The following SGMS1 variants were observed in gnomAD, a reference collection of about 807,000 sequenced individuals.
SGMS1 encodes phosphatidylcholine:ceramide cholinephosphotransferase 1.
In SGMS1, 13 loss-of-function variants were observed where a neutral mutation model predicts 46.2. The ratio of observed to expected loss-of-function variants is 0.28; its 90% CI spans 0.18 to 0.45. The LOEUF is 0.45. SGMS1 is among the 20% of genes least tolerant of loss of function. The pLI, the probability that SGMS1 is intolerant of heterozygous loss-of-function variation, is 1.00. For missense variants in SGMS1, 324 were observed against 519.9 expected, an observed-to-expected ratio of 0.62 and a Z score of 3.66; for synonymous variants, 203 against 187.8, an observed-to-expected ratio of 1.08 and a Z score of -0.66.
In SGMS1 at chr10:50,537,452, TAG is replaced by T. The variant is rs1436768085; in HGVS notation, c.-588-17533_-588-17532del. 6.5e-5 allele frequency among the ~76,000 whole-genome samples: 9 copies of T among 138,594 alleles called. No individual in the cohort carries two copies. In the East Asian group the frequency reaches 1.0e-3, roughly 16 times the overall value. The allele number at this position is 138,594 out of a possible 152,430, so 90.9% of individuals were successfully genotyped here. On this transcript the variant is annotated intron_variant, in intron 2 of 10. Coordinates refer to ENST00000361781, the MANE Select transcript of SGMS1 (RefSeq NM_147156.4). Reference sequence around the variant, plus strand: ...TCTTTTTTTTCTTTATATATATATATAGATATATATATATTTTATTATACTTT... The same window carrying T: ...TCTTTTTTTTCTTTATATATATATATATATATATATATTTTATTATACTTT...
chr10:50,526,197 G>A (rs1434884334), intron 2 of SGMS1, among the ~76,000 whole-genome samples: 1 of 152,198 alleles, frequency 6.6e-6, no homozygotes, highest in Non-Finnish European at 1.5e-5. Context: ...CAGGAAGCAT[G>A]ACTGGAAGGC....
At chr10:50,405,731 T>G (rs1238658455) in intron 6 of SGMS1, among the ~76,000 whole-genome samples, 2 of 152,246 alleles carry the variant, frequency 1.3e-5, no homozygotes. Context: ...CAAATTGAAT[T>G]ATTTCACATG....
At chr10:50,317,156 C>T (rs960951682) in intron 8 of SGMS1, among the ~76,000 whole-genome samples, 12 of 152,120 alleles carry the variant, frequency 7.9e-5, no homozygotes, top group African/African-American at 2.7e-4. Flanking sequence ...TTTAGCCTGA[C>T]TTTGTAGTCC....
At chr10:50,376,588 C>T (rs1458624798) in intron 6 of SGMS1, among the ~76,000 whole-genome samples, 1 of 152,202 alleles carries the variant, frequency 6.6e-6, no homozygotes, top group Non-Finnish European at 1.5e-5. Flanking sequence ...CCTGCTCCCC[C>T]AACCCCACGA....
intron 8 of SGMS1, among the ~76,000 whole-genome samples, chr10:50,313,641 C>G (rs1011016402): frequency 1.4e-4 from 22 of 152,108 alleles, no homozygotes; most frequent in African/African-American, 5.3e-4. Context: ...GGCAAAAAAG[C>G]TTGGGTATTT....
At chr10:50,427,965 G>A (rs1229807279) in intron 6 of SGMS1, among the ~76,000 whole-genome samples, 4 of 148,542 alleles carry the variant, frequency 2.7e-5, no homozygotes, top group African/African-American at 7.4e-5. Flanking sequence ...GCTAAGCTGC[G>A]TGTGAATGAG....
intron 2 of SGMS1, among the ~76,000 whole-genome samples, chr10:50,537,990 G>A (rs763992343): frequency 2.3e-4 from 35 of 152,116 alleles, no homozygotes; most frequent in Non-Finnish European, 4.1e-4. Flanking sequence ...AGAAGGCACT[G>A]CTACTCAGGA....
chr10:50,413,190 A>G (rs555669530), intron 6 of SGMS1, among the ~76,000 whole-genome samples: 1 of 152,332 alleles, frequency 6.6e-6, no homozygotes, highest in Non-Finnish European at 1.5e-5. Flanking sequence ...AAGCCCTATG[A>G]AATAGAGATT....
At chr10:50,366,271 G>C (rs1589408840) in intron 6 of SGMS1, among the ~76,000 whole-genome samples, 1 of 152,296 alleles carries the variant, frequency 6.6e-6, no homozygotes, top group East Asian at 1.9e-4. Context: ...AAAGCAGTTA[G>C]AGTGGCGATC....
At chr10:50,613,077 C>T (rs1838765621) in intron 1 of SGMS1, among the ~76,000 whole-genome samples, 1 of 152,216 alleles carries the variant, frequency 6.6e-6, no homozygotes, top group Non-Finnish European at 1.5e-5. Context: ...TCTTCCTAGG[C>T]TTGTCTCTGC....
At chr10:50,333,026 A>G (rs940104422) in intron 7 of SGMS1, among the ~76,000 whole-genome samples, 4 of 152,150 alleles carry the variant, frequency 2.6e-5, no homozygotes, top group Non-Finnish European at 5.9e-5. Context: ...CTATAATCCT[A>G]TGCATCTACC....
intron 6 of SGMS1, among the ~76,000 whole-genome samples, chr10:50,361,653 GAAGGCTCTCTCA>G (rs1356320776): frequency 6.6e-6 from 1 of 152,158 alleles, no homozygotes; most frequent in Non-Finnish European, 1.5e-5. Context: ...ATCCTATCTT[GAAGGCTCTCTCA>G]AACTGTTCCC....
At chr10:50,372,615 C>T (rs1848457047) in intron 6 of SGMS1, among the ~76,000 whole-genome samples, 1 of 152,066 alleles carries the variant, frequency 6.6e-6, no homozygotes, top group African/African-American at 2.4e-5. Flanking sequence ...AAGGCGTGAA[C>T]CCAGGAGGTG....
At chr10:50,572,260 T>C (rs1206979153) in intron 2 of SGMS1, among the ~76,000 whole-genome samples, 2 of 152,180 alleles carry the variant, frequency 1.3e-5, no homozygotes, top group African/African-American at 4.8e-5. Context: ...GAATACAAGG[T>C]AACCCAAACA....
At chr10:50,473,332 C>T (rs1415383882) in intron 3 of SGMS1, among the ~76,000 whole-genome samples, 1 of 152,146 alleles carries the variant, frequency 6.6e-6, no homozygotes, top group African/African-American at 2.4e-5. Flanking sequence ...AATGCCTTGC[C>T]TTTTGAACCT....
At chr10:50,491,394 A>G (rs1460962955) in intron 3 of SGMS1, among the ~76,000 whole-genome samples, 5 of 152,004 alleles carry the variant, frequency 3.3e-5, no homozygotes, top group Non-Finnish European at 5.9e-5. Context: ...AAAAATAAAG[A>G]CCTTCCACTA....
At chr10:50,561,573 A>C (rs529430892) in intron 2 of SGMS1, among the ~76,000 whole-genome samples, 1 of 152,324 alleles carries the variant, frequency 6.6e-6, no homozygotes, top group African/African-American at 2.4e-5. Flanking sequence ...ACAAATCCTT[A>C]ATCTTTATAA....
At chr10:50,603,682 T>C (rs1160637606) in intron 1 of SGMS1, among the ~76,000 whole-genome samples, 5 of 152,218 alleles carry the variant, frequency 3.3e-5, no homozygotes, top group Non-Finnish European at 7.3e-5. Context: ...AAACACTGCA[T>C]GATTGTTTTA....
intron 2 of SGMS1, among the ~76,000 whole-genome samples, chr10:50,580,847 A>G (rs1195863123): frequency 6.6e-6 from 1 of 152,252 alleles, no homozygotes. Context: ...CTGTTGCACA[A>G]CAATGTGAAC....
Sources: allele counts gnomAD v4.1 joint callset (sites outside exome capture counted in the v4.1 genomes callset), GRCh38; gene constraint gnomAD v4.1.1; transcripts MANE v1.5; gene names NCBI Gene and HGNC (gene_info 2026-07-23, HGNC 2026-07-21).